The following NUP160 variants were observed in gnomAD, a reference collection of about 807,000 sequenced individuals.
NUP160 encodes nucleoporin 160.
In NUP160, 94 loss-of-function variants were observed where a neutral mutation model predicts 196.9. The observed-to-expected ratio is 0.48, with a 90% confidence interval of 0.40 to 0.57. NUP160 has a LOEUF of 0.57. NUP160 is among the 20% of genes least tolerant of loss of function. The pLI is 0.00. For synonymous variants in NUP160, 605 were observed against 619.7 expected (o/e 0.98, Z 0.35); for missense variants, 1,638 against 1,748.3 (o/e 0.94, Z 1.13).
chr11:47,781,170 C>T (rs1207595964), intron 34 of NUP160, among the ~76,000 whole-genome samples: 2 of 151,940 alleles, frequency 1.3e-5, no homozygotes, highest in African/African-American at 2.4e-5. Context: ...TTACAGTGAG[C>T]CGAGATCATG....
chr11:47,801,975 T>C, intron 22 of NUP160, 45 bp from the exon 23 acceptor site: 2 of 1,599,224 alleles, frequency 1.3e-6, no homozygotes, highest in Non-Finnish European at 1.7e-6. Flanking sequence ...ATCATTCAAA[T>C]TCTAGGTGCT....
At chr11:47,840,132 T>C in intron 3 of NUP160, 67 bp from the exon 4 acceptor site, 2 of 1,237,408 alleles carry the variant, frequency 1.6e-6, no homozygotes, top group South Asian at 2.6e-5. Context: ...AGTTCCTCTC[T>C]ATTGCTAAAA....
intron 20 of NUP160, among the ~76,000 whole-genome samples, chr11:47,805,589 G>A (rs897683588): frequency 6.6e-6 from 1 of 151,558 alleles, no homozygotes. Flanking sequence ...GACTACAGGC[G>A]CCTGCCACCA....
intron 23 of NUP160, among the ~76,000 whole-genome samples, chr11:47,799,418 C>T (rs67019430): frequency 0.037 from 5,562 of 152,044 alleles, 121 homozygotes; most frequent in Non-Finnish European, 0.054. Flanking sequence ...ACCCTGTCAA[C>T]GTCTGCCCGC....
rs1044315829 is a variant in NUP160, at chr11:47,824,028, T to C, written c.1102-1864A>G. ...TTTTGCATATATATATATATATATA[T>C]ATATATATATATATATATATATATA... is the stretch of plus-strand genomic sequence containing the variant. On this transcript the variant is annotated intron_variant, in intron 7 of 35. Coordinates refer to ENST00000378460, the Ensembl canonical transcript of NUP160. Among the ~76,000 whole-genome samples the C allele has an allele frequency of 2.1e-4, 25 of 119,066 alleles. 3 individuals are homozygous for C. Among genetic ancestry groups the C allele is most frequent in the East Asian group, 2.0e-3 (8 of 4,034 alleles). The allele number at this position is 119,066 out of a possible 152,430, so 78.1% of individuals were successfully genotyped here.
At position 47,835,763 on chromosome 11, in the gene NUP160, AC is replaced by A. The variant is rs777632697; in HGVS notation, c.988del (p.Val330Ter). On this transcript the variant is annotated frameshift_variant, in exon 7 of 36. Transcript: ENST00000378460. LOFTEE classifies it high-confidence loss of function. ...AGCAGTAAGCCGAAGGTCTTTCTTC[AC>A]AGGGACATACTCCAGCATGTCAGCT... The A allele has an allele frequency of 6.2e-7, 1 of 1,603,782 alleles. No homozygotes were observed. Among genetic ancestry groups the A allele is most frequent in the South Asian group, 1.1e-5 (1 of 88,274 alleles).
rs570587061 is a variant in NUP160 at position 47,808,798 on chromosome 11, G to A, written c.2242-269C>T. ...AAAGCTTAACTTTCATTAAATCTGT[G>A]GGTTCAGAATTAAAGAAGAGGGCCA... On this transcript the variant is annotated intron_variant, in intron 17 of 35. Transcript: ENST00000378460. Among the ~76,000 whole-genome samples, 9 of 152,060 alleles carry A rather than the reference G, an allele frequency of 5.9e-5. No individual in the cohort carries two copies. The South Asian group carries it at 1.7e-3, about 28-fold the overall frequency.
At chr11:47,778,231 T>C (rs1477232226) in exon 36 of NUP160, 1 of 152,468 alleles carries the variant, frequency 6.6e-6, no homozygotes, top group Non-Finnish European at 1.5e-5. Flanking sequence ...TACAGATTGT[T>C]TCCTTAAAAG....
intron 2 of NUP160, among the ~76,000 whole-genome samples, chr11:47,846,204 C>T (rs983141690): frequency 4.6e-5 from 7 of 151,070 alleles, no homozygotes; most frequent in Middle Eastern, 3.6e-3. Flanking sequence ...CTTGAACTCC[C>T]GGCCTCAAGA....
chr11:47,789,523 A>G (rs568281051), intron 29 of NUP160, among the ~76,000 whole-genome samples: 1 of 152,204 alleles, frequency 6.6e-6, no homozygotes, highest in Non-Finnish European at 1.5e-5. Flanking sequence ...CATTCAAGAA[A>G]AAAACCACAT....
At chr11:47,839,721 TAATG>T in intron 4 of NUP160, 118 bp downstream of exon 4, 1 of 811,526 alleles carries the variant, frequency 1.2e-6, no homozygotes, top group East Asian at 2.4e-5. Context: ...AGGCAAGCAA[TAATG>T]AATGACCAGT....
At chr11:47,784,966 A>T in exon 33 of NUP160, 2 of 1,606,114 alleles carry the variant, frequency 1.2e-6, no homozygotes, top group Non-Finnish European at 1.7e-6. Context: ...ACTCCATGAG[A>T]CAAGAGCTTG....
rs139328483 is a variant in NUP160 at position 47,804,579 on chromosome 11, C to T, written c.2646G>A (p.Leu882=). The change falls in exon 21 of 36, where the codon TTG becomes TTA. Residue 882 remains leucine (L), a synonymous_variant. Coordinates refer to ENST00000378460, the Ensembl canonical transcript of NUP160. Reference sequence around the variant, plus strand: ...ATTGTACATATTGGCAATTTCCCATCAAACATTCTAGAAAGAGACAACCAG... The same window carrying T: ...ATTGTACATATTGGCAATTTCCCATTAAACATTCTAGAAAGAGACAACCAG... The T allele has an allele frequency of 8.4e-5, 129 of 1,535,486 alleles. No homozygotes were observed. The African/African-American group carries it at 1.7e-3, about 21-fold the overall frequency.
intron 6 of NUP160, among the ~76,000 whole-genome samples, chr11:47,836,366 AT>A (rs1852176047): frequency 6.6e-6 from 1 of 152,188 alleles, no homozygotes; most frequent in Non-Finnish European, 1.5e-5. Context: ...CTTGAAAACC[AT>A]TTTACCAACT....
chr11:47,840,489 T>C (rs1335299304), exon 3 of NUP160: 2 of 1,613,994 alleles, frequency 1.2e-6, no homozygotes, highest in African/African-American at 2.7e-5. Context: ...CCCCTCCAGG[T>C]AAAACACTGC....
rs542230049 is a variant in NUP160, at chr11:47,819,042, G to A, written c.1362+332C>T. Among the ~76,000 whole-genome samples the A allele has an allele frequency of 8.4e-4, 128 of 152,122 alleles. 1 individual carries two copies. The highest frequency in any genetic ancestry group is 2.5e-3 in the African/African-American group (103 of 41,514). ...AAAATGTGGAGATTTGGCCGGGCAC[G>A]GTGGCTCACGACTGTAATCCCAGCA... On this transcript the variant is annotated intron_variant, in intron 10 of 35. Transcript: ENST00000378460.
Position 47,783,068 on chromosome 11 carries a change from C to T in NUP160, c.4116+5G>A. On this transcript the variant is annotated splice_donor_5th_base_variant and intron_variant, in intron 34 of 35. Coordinates refer to ENST00000378460, the Ensembl canonical transcript of NUP160. Reference sequence around the variant, plus strand: ...GTAAATTGGGGACCATTTGTATATGCCTACCTCAATTCCGAAGTATTGATG... The same window carrying T: ...GTAAATTGGGGACCATTTGTATATGTCTACCTCAATTCCGAAGTATTGATG... 1 of 1,612,200 alleles carries T rather than the reference C, an allele frequency of 6.2e-7. No individual in the cohort carries two copies. The highest frequency in any genetic ancestry group is 8.5e-7 in the Non-Finnish European group (1 of 1,178,778).
chr11:47,799,242 C>T (rs909373031), intron 23 of NUP160, among the ~76,000 whole-genome samples: 6 of 151,628 alleles, frequency 4.0e-5, no homozygotes, highest in Middle Eastern at 3.2e-3. Context: ...TGCCCCACCA[C>T]GTTCAGCTAA....
At chr11:47,840,027 A>C in exon 4 of NUP160, 2 of 1,614,082 alleles carry the variant, frequency 1.2e-6, no homozygotes, top group Non-Finnish European at 1.7e-6. Flanking sequence ...TTCCAATGTC[A>C]GTGAATATTG....
Sources: gnomAD v4.1 joint callset for allele counts (sites outside exome capture counted in the v4.1 genomes callset) on GRCh38, gnomAD v4.1.1 for gene constraint, MANE v1.5 for transcripts, NCBI Gene and HGNC (gene_info 2026-07-23, HGNC 2026-07-21) for gene names.